Variants in SHC3 observed in about 807,000 individuals in gnomAD.
SHC3 encodes SHC-transforming protein 3.
Under a neutral mutation model 60.4 loss-of-function variants are expected in SHC3, and 15 were observed. The observed-to-expected ratio is 0.25, with a 90% CI of 0.17 to 0.38. The LOEUF (loss-of-function observed/expected upper bound fraction) is 0.38, where lower values mean the gene tolerates loss of function less well. Ranked by LOEUF, SHC3 falls within the 10% of genes least tolerant of loss-of-function variation. The pLI is 1.00. For synonymous variants in SHC3, 294 were observed against 325.9 expected (o/e 0.90, Z 1.05); for missense variants, 677 against 786.1 (o/e 0.86, Z 1.66).
At chr9:89,125,698 G>C (rs1010731809) in intron 1 of SHC3, among the ~76,000 whole-genome samples, 1 of 152,156 alleles carries the variant, frequency 6.6e-6, no homozygotes, top group African/African-American at 2.4e-5. Flanking sequence ...GTGACCTCTG[G>C]TTGTCCTCAC....
intron 1 of SHC3, among the ~76,000 whole-genome samples, chr9:89,140,762 G>A (rs1194926658): frequency 1.3e-5 from 2 of 152,066 alleles, no homozygotes; most frequent in African/African-American, 4.8e-5. Flanking sequence ...CACTTCCTCT[G>A]TTTTTCTCCA....
chr9:89,118,864 T>C (rs1027228738), intron 1 of SHC3, among the ~76,000 whole-genome samples: 7 of 152,152 alleles, frequency 4.6e-5, no homozygotes, highest in Admixed American at 2.6e-4. Flanking sequence ...AAACAATGAA[T>C]ACAAAGAAGA....
intron 5 of SHC3, among the ~76,000 whole-genome samples, chr9:89,070,144 G>T (rs1043147991): frequency 3.3e-5 from 5 of 152,092 alleles, no homozygotes; most frequent in African/African-American, 1.2e-4. Flanking sequence ...ATATTAAAAG[G>T]CTATTGAACA....
At chr9:89,155,297 C>T (rs1228070523) in intron 1 of SHC3, among the ~76,000 whole-genome samples, 1 of 152,204 alleles carries the variant, frequency 6.6e-6, no homozygotes, top group Non-Finnish European at 1.5e-5. Context: ...CCCGATGCCA[C>T]ACGCCCTTAA....
intron 2 of SHC3, among the ~76,000 whole-genome samples, chr9:89,096,072 A>G (rs1298563970): frequency 1.3e-5 from 2 of 152,204 alleles, no homozygotes; most frequent in African/African-American, 2.4e-5. Flanking sequence ...AAAAAATAAT[A>G]AATAACACAT....
chr9:89,059,130 C>CAT (rs1825014038), intron 6 of SHC3, among the ~76,000 whole-genome samples: 1 of 98,432 alleles, frequency 1.0e-5, no homozygotes, highest in Non-Finnish European at 2.0e-5. Context: ...TGGTGGAGGA[C>CAT]GGTGGTGGAG....
chr9:89,122,400 C>T (rs980246412), intron 1 of SHC3, among the ~76,000 whole-genome samples: 1 of 152,240 alleles, frequency 6.6e-6, no homozygotes, highest in African/African-American at 2.4e-5. Flanking sequence ...ATTGCCATAT[C>T]ATGTGGCCAA....
intron 4 of SHC3, among the ~76,000 whole-genome samples, chr9:89,073,507 A>AT: frequency 6.6e-6 from 1 of 152,202 alleles, no homozygotes; most frequent in Middle Eastern, 3.4e-3. Flanking sequence ...GTTGGGCCCA[A>AT]AAGTCAGCTG....
At chr9:89,163,394 C>A (rs903339543) in intron 1 of SHC3, among the ~76,000 whole-genome samples, 7 of 151,914 alleles carry the variant, frequency 4.6e-5, no homozygotes, top group African/African-American at 1.7e-4. Flanking sequence ...CACATATACA[C>A]CATGGAATAC....
chr9:89,098,433 A>G (rs1825735898), intron 2 of SHC3, among the ~76,000 whole-genome samples: 1 of 152,236 alleles, frequency 6.6e-6, no homozygotes, highest in Non-Finnish European at 1.5e-5. Context: ...ATGTAGGAAA[A>G]TAACATTGTC....
At chr9:89,168,058 C>A (rs2118260286) in intron 1 of SHC3, among the ~76,000 whole-genome samples, 1 of 152,362 alleles carries the variant, frequency 6.6e-6, no homozygotes, top group East Asian at 1.9e-4. Context: ...TAAAGACCTA[C>A]CTACAGCTCT....
intron 2 of SHC3, among the ~76,000 whole-genome samples, chr9:89,108,316 C>G (rs1357683399): frequency 6.6e-6 from 1 of 151,384 alleles, no homozygotes; most frequent in East Asian, 1.9e-4. Flanking sequence ...AGTTAGAGAG[C>G]AGCCTGGTCA....
chr9:89,025,622 A>G (rs1266185264), intron 11 of SHC3, among the ~76,000 whole-genome samples: 1 of 152,208 alleles, frequency 6.6e-6, no homozygotes, highest in African/African-American at 2.4e-5. Context: ...GCCTCATTAT[A>G]TCTTCCTCCC....
intron 1 of SHC3, among the ~76,000 whole-genome samples, chr9:89,171,340 A>T (rs1427550420): frequency 6.6e-6 from 1 of 152,204 alleles, no homozygotes; most frequent in African/African-American, 2.4e-5. Flanking sequence ...ATTGCCAAAC[A>T]ATTATATTTA....
intron 11 of SHC3, among the ~76,000 whole-genome samples, chr9:89,026,254 C>CAAA (rs67891062): frequency 2.0e-5 from 2 of 102,148 alleles, no homozygotes; most frequent in East Asian, 6.3e-4. Context: ...AACTACATCT[C>CAAA]AAAAAAAAAA....
intron 1 of SHC3, among the ~76,000 whole-genome samples, chr9:89,148,851 G>C (rs1003033376): frequency 1.3e-5 from 2 of 152,174 alleles, no homozygotes; most frequent in African/African-American, 4.8e-5. Context: ...ATTTATGAAA[G>C]GCATACGTCA....
At chr9:89,100,221 G>A (rs1383980859) in intron 2 of SHC3, among the ~76,000 whole-genome samples, 4 of 152,120 alleles carry the variant, frequency 2.6e-5, no homozygotes, top group Non-Finnish European at 5.9e-5. Flanking sequence ...TTCTGAAATC[G>A]CTGTGGGCCA....
chr9:89,133,073 A>G (rs187269690), intron 1 of SHC3, among the ~76,000 whole-genome samples: 9 of 152,312 alleles, frequency 5.9e-5, no homozygotes, highest in Non-Finnish European at 1.0e-4. Flanking sequence ...GAAAAAAATC[A>G]AACAACCCCA....
At chr9:89,083,044 C>T (rs1825470697) in intron 2 of SHC3, among the ~76,000 whole-genome samples, 1 of 152,292 alleles carries the variant, frequency 6.6e-6, no homozygotes, top group African/African-American at 2.4e-5. Context: ...CACCGTGGTC[C>T]ACCCAGCAGC....
Sources: allele counts gnomAD v4.1 joint callset (sites outside exome capture counted in the v4.1 genomes callset), GRCh38; gene constraint gnomAD v4.1.1; transcripts MANE v1.5; gene names NCBI Gene and HGNC (gene_info 2026-07-23, HGNC 2026-07-21).